GPHN: variants seen among roughly 807,000 people sequenced by gnomAD.
GPHN encodes the protein gephyrin.
Under a neutral mutation model 95.5 loss-of-function variants are expected in GPHN, and 17 were observed. The observed-to-expected ratio is 0.18, with a 90% CI of 0.12 to 0.27. The LOEUF is 0.27. Among genes scored for constraint, GPHN ranks in the 10% least tolerant of loss-of-function variants. GPHN has a pLI of 1.00. For missense variants in GPHN, 660 were observed against 978.1 expected (o/e 0.67, Z 4.34); for synonymous variants, 320 against 322.5 (o/e 0.99, Z 0.08).
chr14:67,701,425 C>CTTTTTTTTTTTTTTTTTTTTTTTT, the GPHN span, among the ~76,000 whole-genome samples: 1 of 71,126 alleles, frequency 1.4e-5, no homozygotes, highest in Non-Finnish European at 2.8e-5. Flanking sequence ...ATTATAATTT[C>CTTTTTTTTTTTTTTTTTTTTTTTT]TTTTTTTTTT....
chr14:66,604,236 C>CT (rs2062400578), intron 1 of GPHN, among the ~76,000 whole-genome samples: 1 of 152,106 alleles, frequency 6.6e-6, no homozygotes, highest in African/African-American at 2.4e-5. Context: ...AACTCTGTTA[C>CT]TGGCACCTGC....
intron 1 of GPHN, among the ~76,000 whole-genome samples, chr14:66,617,955 T>C (rs2063119906): frequency 6.6e-6 from 1 of 152,292 alleles, no homozygotes; most frequent in South Asian, 2.1e-4. Context: ...TATCTTCTAA[T>C]TTTGTTTTTG....
chr14:67,352,743 T>TA, the GPHN span: 1 of 535,342 alleles, frequency 1.9e-6, no homozygotes, highest in African/African-American at 2.0e-5. Context: ...CAGGCAAGAT[T>TA]AAAGAGTTTG....
At chr14:67,474,914 CTTTTT>C in the GPHN span, among the ~76,000 whole-genome samples, 1 of 124,948 alleles carries the variant, frequency 8.0e-6, no homozygotes. Flanking sequence ...GAATTTCCTT[CTTTTT>C]TTTTTTTTTT....
rs575792317 is a variant in GPHN at position 66,672,528 on chromosome 14, G to T, written c.65-8579G>T. On this transcript the variant is annotated intron_variant, in intron 1 of 22. Coordinates refer to ENST00000478722, the MANE Select transcript of GPHN (RefSeq NM_020806.5). ...TTGTTAGTCTCCAACTGTAACAGGG[G>T]TTTCATCTATTACTCCTTGCACTTC... Among the ~76,000 whole-genome samples the T allele has an allele frequency of 9.2e-5, 14 of 152,178 alleles. No homozygotes were observed. In the South Asian group the frequency reaches 2.5e-3, roughly 27 times the overall value.
chr14:66,880,729 T>C (rs1317834258), intron 5 of GPHN, among the ~76,000 whole-genome samples: 1 of 151,944 alleles, frequency 6.6e-6, no homozygotes, highest in Non-Finnish European at 1.5e-5. Context: ...TGATATACTA[T>C]TATTATATGA....
chr14:67,417,973 TG>T, the GPHN span, among the ~76,000 whole-genome samples: 2 of 152,146 alleles, frequency 1.3e-5, no homozygotes, highest in Non-Finnish European at 2.9e-5. Context: ...TTTGAACTCC[TG>T]GGCGCAAGTG....
chr14:66,996,836 T>C (rs1296699299), intron 9 of GPHN, among the ~76,000 whole-genome samples: 1 of 152,190 alleles, frequency 6.6e-6, no homozygotes, highest in African/African-American at 2.4e-5. Context: ...TCATGTTCTT[T>C]TAGTAAAATA....
chr14:66,656,457 G>A (rs559196680), intron 1 of GPHN, among the ~76,000 whole-genome samples: 8 of 152,106 alleles, frequency 5.3e-5, no homozygotes, highest in African/African-American at 7.2e-5. Context: ...TGTTTCTTTC[G>A]TGATGTGGGA....
chr14:67,508,062 C>T, the GPHN span, among the ~76,000 whole-genome samples: 4 of 150,044 alleles, frequency 2.7e-5, no homozygotes, highest in East Asian at 4.0e-4. Flanking sequence ...TGCTTGAACC[C>T]GGGAGGTGGA....
At chr14:66,836,221 C>T (rs1428975293) in intron 4 of GPHN, among the ~76,000 whole-genome samples, 4 of 133,802 alleles carry the variant, frequency 3.0e-5, no homozygotes, top group East Asian at 2.2e-4. Context: ...ACCAAAACAG[C>T]GTGGTACTGG....
intron 18 of GPHN, among the ~76,000 whole-genome samples, chr14:67,147,661 C>T (rs2080979044): frequency 6.6e-6 from 1 of 152,136 alleles, no homozygotes; most frequent in Admixed American, 6.5e-5. Flanking sequence ...ATCAGCCTCC[C>T]AAAGTGCTGG....
At chr14:67,569,901 T>G in the GPHN span, 1 of 1,537,088 alleles carries the variant, frequency 6.5e-7, no homozygotes, top group Non-Finnish European at 9.0e-7. Context: ...AGTAATCTCA[T>G]TCCTCTCTTC....
chr14:66,672,916 T>C (rs906174905), intron 1 of GPHN, among the ~76,000 whole-genome samples: 3 of 152,178 alleles, frequency 2.0e-5, no homozygotes, highest in Non-Finnish European at 2.9e-5. Flanking sequence ...AACATCGTTA[T>C]TGATGTAGGT....
rs115499382 is a variant in GPHN, at chr14:66,699,643, G to A, written c.143+18458G>A. Among the ~76,000 whole-genome samples, 470 of 152,182 alleles carry A rather than the reference G, an allele frequency of 3.1e-3. 2 individuals carry two copies. The highest frequency in any genetic ancestry group is 0.011 in the African/African-American group (439 of 41,522). On this transcript the variant is annotated intron_variant, in intron 2 of 22. Transcript: ENST00000478722. ...GAACAAAATCCAGCTTTTTAATAGC[G>A]CATGCAAGACCAGTAATGATCTGAT... is the stretch of plus-strand genomic sequence containing the variant.
chr14:66,879,816 A>C, intron 4 of GPHN, 123 bp from the exon 5 acceptor site: 1 of 709,870 alleles, frequency 1.4e-6, no homozygotes, highest in East Asian at 2.7e-5. Context: ...TAAATGTTTC[A>C]GAAACTAAAA....
chr14:67,038,939 T>C (rs1377184684), intron 10 of GPHN, among the ~76,000 whole-genome samples: 1 of 152,216 alleles, frequency 6.6e-6, no homozygotes, highest in Admixed American at 6.5e-5. Flanking sequence ...CCCATTCTTG[T>C]TGTAATAGTT....
the GPHN span, chr14:67,642,112 C>A: frequency 7.1e-7 from 1 of 1,406,768 alleles, no homozygotes; most frequent in Non-Finnish European, 9.9e-7. Context: ...CACGTATTAT[C>A]ATTGTGGCCC....
chr14:66,785,753 A>C (rs1299943009), intron 3 of GPHN, among the ~76,000 whole-genome samples: 1 of 151,900 alleles, frequency 6.6e-6, no homozygotes, highest in African/African-American at 2.4e-5. Flanking sequence ...AAACAGAAAA[A>C]TATCAGGAAA....
Sources: allele counts gnomAD v4.1 joint callset (sites outside exome capture counted in the v4.1 genomes callset), GRCh38; gene constraint gnomAD v4.1.1; transcripts MANE v1.5; gene names NCBI Gene and HGNC (gene_info 2026-07-23, HGNC 2026-07-21).